CHRM2: variants seen among roughly 807,000 people sequenced by gnomAD.
CHRM2 encodes the protein cholinergic receptor muscarinic 2.
CHRM2 carries 8 observed loss-of-function variants against 25.0 expected under a neutral mutation model. That is an observed-to-expected ratio of 0.32 (90% CI 0.19 to 0.58). The LOEUF is 0.58. Ranked by LOEUF, CHRM2 falls within the 20% of genes least tolerant of loss-of-function variation. The pLI, the probability that CHRM2 is intolerant of heterozygous loss-of-function variation, is 0.88. For missense variants in CHRM2, 440 were observed against 567.1 expected (o/e 0.78, Z 2.28); for synonymous variants, 202 against 205.7 (o/e 0.98, Z 0.15).
chr7:136,960,631 T>G (rs1345440394), intron 2 of CHRM2, among the ~76,000 whole-genome samples: 2 of 152,210 alleles, frequency 1.3e-5, no homozygotes, highest in African/African-American at 4.8e-5. Flanking sequence ...AACTATAAGT[T>G]GTAGAGTAAC....
chr7:136,968,679 T>C (rs1473086206), intron 2 of CHRM2, among the ~76,000 whole-genome samples: 1 of 148,070 alleles, frequency 6.8e-6, no homozygotes, highest in East Asian at 2.0e-4. Flanking sequence ...ATATTGTATA[T>C]ACCATATGTA....
intron 2 of CHRM2, among the ~76,000 whole-genome samples, chr7:136,897,532 T>A (rs752368661): frequency 7.2e-5 from 11 of 152,140 alleles, no homozygotes; most frequent in Non-Finnish European, 1.5e-4. Context: ...GCAGCATTAA[T>A]CATTTTTCTT....
At chr7:136,924,318 C>G (rs924157618) in intron 2 of CHRM2, among the ~76,000 whole-genome samples, 6 of 151,014 alleles carry the variant, frequency 4.0e-5, no homozygotes, top group African/African-American at 9.8e-5. Context: ...CCCAGTAACT[C>G]GTCATTTAAC....
intron 2 of CHRM2, among the ~76,000 whole-genome samples, chr7:136,960,191 A>G (rs1655252324): frequency 6.6e-6 from 1 of 152,210 alleles, no homozygotes; most frequent in African/African-American, 2.4e-5. Flanking sequence ...CCTGGGTCTT[A>G]GGAGATAGGA....
intron 2 of CHRM2, among the ~76,000 whole-genome samples, chr7:136,901,126 C>T (rs1797181864): frequency 6.6e-6 from 1 of 152,084 alleles, no homozygotes; most frequent in Non-Finnish European, 1.5e-5. Context: ...GTAGATTGTC[C>T]TGTACAGCCC....
intron 2 of CHRM2, among the ~76,000 whole-genome samples, chr7:136,985,787 T>G (rs534087197): frequency 1.3e-5 from 2 of 152,272 alleles, no homozygotes; most frequent in Non-Finnish European, 2.9e-5. Flanking sequence ...AGGTATATTT[T>G]CTGGGTTGTA....
At chr7:136,904,344 T>TA (rs1797412955) in intron 2 of CHRM2, among the ~76,000 whole-genome samples, 1 of 151,890 alleles carries the variant, frequency 6.6e-6, no homozygotes, top group Non-Finnish European at 1.5e-5. Context: ...ACTTGCCTAT[T>TA]CACATTTTCT....
At position 137,016,348 on chromosome 7, in the gene CHRM2, C is replaced by A; in HGVS notation, c.*82C>A. 1.5e-6 allele frequency: 2 copies of A among 1,362,054 alleles called. No homozygotes were observed. Among genetic ancestry groups the A allele is most frequent in the Non-Finnish European group, 2.1e-6 (2 of 958,804 alleles). The allele number at this position is 1,362,054 out of a possible 1,614,324, so 84.4% of individuals were successfully genotyped here. Reference sequence around the variant, plus strand: ...ATAAACGAGCTCCTAGTTTTAAAATCTCTGCCATTGCACTTTATAGTCTGA... The same window carrying A: ...ATAAACGAGCTCCTAGTTTTAAAATATCTGCCATTGCACTTTATAGTCTGA... On this transcript the variant is annotated 3_prime_UTR_variant, in exon 4 of 4. Transcript: ENST00000680005.
chr7:136,917,217 G>A (rs918490604), intron 2 of CHRM2, among the ~76,000 whole-genome samples: 1 of 148,002 alleles, frequency 6.8e-6, no homozygotes, highest in Non-Finnish European at 1.5e-5. Flanking sequence ...ATTAATACCT[G>A]CTCGCCGTCC....
intron 3 of CHRM2, 45 bp from the exon 4 acceptor site, chr7:137,014,775 C>T: frequency 8.7e-7 from 1 of 1,155,656 alleles, no homozygotes; most frequent in South Asian, 1.3e-5. Flanking sequence ...TATTTTAAAC[C>T]AATGTTTATA....
chr7:136,933,552 C>CCAA (rs1427345426), intron 2 of CHRM2, among the ~76,000 whole-genome samples: 1 of 152,052 alleles, frequency 6.6e-6, no homozygotes, highest in Non-Finnish European at 1.5e-5. Context: ...TATAGAGTCA[C>CCAA]CAACATGACT....
chr7:137,014,452 T>C (rs929989717), intron 3 of CHRM2, among the ~76,000 whole-genome samples: 3 of 152,040 alleles, frequency 2.0e-5, no homozygotes, highest in Admixed American at 2.0e-4. Flanking sequence ...CAGGAATCCC[T>C]TGATGTTTTA....
chr7:136,878,320 T>C lies in CHRM2; in HGVS notation c.-125+8902T>C, dbSNP rs1158325796. Among the ~76,000 whole-genome samples, 4 of 151,960 alleles carry C rather than the reference T, an allele frequency of 2.6e-5. No homozygotes were observed. In the East Asian group the frequency reaches 7.7e-4, roughly 29 times the overall value. ...ATTTTATCAGTGGAGTAGGCAGTTATGTCTTCGCATGTAAGCCTAAATAAT... is the reference window on the plus strand; with the variant it reads ...ATTTTATCAGTGGAGTAGGCAGTTACGTCTTCGCATGTAAGCCTAAATAAT... On this transcript the variant is annotated intron_variant, in intron 2 of 3. Coordinates refer to ENST00000680005, the MANE Select transcript of CHRM2 (RefSeq NM_001006630.2).
Position 137,015,646 on chromosome 7 carries a change from C to G in CHRM2, c.781C>G (p.Gln261Glu). 9 of 1,612,940 alleles carry G rather than the reference C, an allele frequency of 5.6e-6. No homozygotes were observed. Among genetic ancestry groups the G allele is most frequent in the Non-Finnish European group, 7.6e-6 (9 of 1,179,498 alleles). The change falls in exon 4 of 4, where the codon CAG becomes GAG. Residue 261 changes from glutamine (Q) to glutamate (E), a missense_variant. By Grantham distance (29) the Gln-to-Glu change is conservative. Coordinates refer to ENST00000680005, the MANE Select transcript of CHRM2 (RefSeq NM_001006630.2). The surrounding 1 kb of genome is among the most constrained non-coding windows in gnomAD (Gnocchi z 5.1). ...CGATGGCCTGGAGCACAACAAAATC[C>G]AGAATGGCAAAGCCCCCAGGGATCC... ...SDDGLEHNKI[Q>E]NGKAPRDPVT...
chr7:136,930,764 GC>G (rs1397512202), intron 2 of CHRM2, among the ~76,000 whole-genome samples: 2 of 151,706 alleles, frequency 1.3e-5, no homozygotes, highest in African/African-American at 4.8e-5. Flanking sequence ...AGTTGTGGTG[GC>G]GGGCACCTGT....
At chr7:136,891,665 C>T (rs536543545) in intron 2 of CHRM2, among the ~76,000 whole-genome samples, 15 of 152,296 alleles carry the variant, frequency 9.8e-5, no homozygotes, top group African/African-American at 3.1e-4. Flanking sequence ...CTTCAATCAG[C>T]GTTTAGCTAC....
chr7:136,938,602 G>T, intron 2 of CHRM2: 1 of 882,496 alleles, frequency 1.1e-6, no homozygotes, highest in Non-Finnish European at 1.9e-6. Context: ...CCCGAAAGCT[G>T]CTGCTGTCCA....
Position 137,019,993 on chromosome 7 carries a change from T to C in CHRM2, c.*3727T>C, listed in dbSNP as rs1805350497. 3 of 151,794 alleles carry C rather than the reference T, an allele frequency of 2.0e-5. No homozygotes were observed. In the South Asian group the frequency reaches 6.2e-4, roughly 31 times the overall value. The allele number at this position is 151,794 out of a possible 1,614,324, so 9.4% of individuals were successfully genotyped here. A position where few individuals can be genotyped will look rare whatever the true frequency, so the allele number is the denominator to read the frequency against. ...CCTTTCAACAACCATAGTACCGGTG[T>C]TGCAAATAGTTTAGGAAAGCACCCA... On this transcript the variant is annotated 3_prime_UTR_variant, in exon 4 of 4. Coordinates refer to ENST00000680005, the MANE Select transcript of CHRM2 (RefSeq NM_001006630.2).
At chr7:136,988,050 T>C (rs1802974459) in intron 2 of CHRM2, among the ~76,000 whole-genome samples, 2 of 150,630 alleles carry the variant, frequency 1.3e-5, no homozygotes, top group South Asian at 2.1e-4. Context: ...ATGTATAATA[T>C]ATTTATTTAC....
Sources: allele counts gnomAD v4.1 joint callset (sites outside exome capture counted in the v4.1 genomes callset), GRCh38; gene constraint gnomAD v4.1.1; non-coding constraint Gnocchi (gnomAD v3.1); transcripts MANE v1.5; gene names NCBI Gene and HGNC (gene_info 2026-07-23, HGNC 2026-07-21).